Variants in SLK observed in about 807,000 individuals in gnomAD.
The protein encoded by SLK is STE20 like kinase, also known as STE20-like serine/threonine-protein kinase.
In SLK, 67 loss-of-function variants were observed where a neutral mutation model predicts 147.7. The observed-to-expected ratio is 0.45, with a 90% CI of 0.37 to 0.56. The LOEUF (loss-of-function observed/expected upper bound fraction) is 0.56. Among genes scored for constraint, SLK ranks in the 20% least tolerant of loss-of-function variants. The probability of loss-of-function intolerance (pLI) is 0.00; values close to 1 mark genes in which losing one functional copy is unlikely to be tolerated. For synonymous variants in SLK, 441 were observed against 475.0 expected, an observed-to-expected ratio of 0.93 and a Z score of 0.93; for missense variants, 1,136 against 1,438.8, an observed-to-expected ratio of 0.79 and a Z score of 3.41.
intron 13 of SLK, among the ~76,000 whole-genome samples, chr10:104,017,481 C>A (rs1844478419): frequency 6.6e-6 from 1 of 151,790 alleles, no homozygotes; most frequent in South Asian, 2.1e-4. Context: ...TCCTAGAGGG[C>A]CTTTCTTTTT....
chr10:103,986,783 AT>A (rs1224949819), intron 1 of SLK, among the ~76,000 whole-genome samples: 2 of 150,148 alleles, frequency 1.3e-5, no homozygotes, highest in Non-Finnish European at 2.9e-5. Flanking sequence ...GGTTCAAGCA[AT>A]TCTGCTGCCT....
Position 103,995,423 on chromosome 10 carries a change from CTTTTTTTTTTT to C in SLK, c.514+2302_514+2312del, listed in dbSNP as rs756975426. Among the ~76,000 whole-genome samples the C allele has an allele frequency of 8.9e-5, 6 of 67,704 alleles. No homozygotes were observed. The South Asian group carries it at 1.4e-3, about 15-fold the overall frequency. The allele number at this position is 67,704 out of a possible 152,430, so 44.4% of individuals were successfully genotyped here. A position where few individuals can be genotyped will look rare whatever the true frequency, so the allele number is the denominator to read the frequency against. The stretch of plus-strand genomic sequence containing the variant: ...ATTTCTTTTTTCTTTTCTTTCTTTT[CTTTTTTTTTTT>C]TTTTTTTTTTTGAGTCAAAGTCTTG... On this transcript the variant is annotated intron_variant, in intron 4 of 18. Coordinates refer to ENST00000369755, the MANE Select transcript of SLK (RefSeq NM_014720.4).
chr10:103,999,615 T>G (rs1212299505), intron 6 of SLK, among the ~76,000 whole-genome samples: 1 of 152,152 alleles, frequency 6.6e-6, no homozygotes. Flanking sequence ...TATTAGAAAT[T>G]TTGTGCTTTT....
chr10:104,002,885 G>T lies in SLK; in HGVS notation c.1707G>T (p.Thr569=), dbSNP rs56357599. The T allele has an allele frequency of 3.1e-3, 4,957 of 1,614,076 alleles. 13 individuals are homozygous for T. The highest frequency in any genetic ancestry group is 3.8e-3 in the Non-Finnish European group (4,538 of 1,179,986). The change falls in exon 9 of 19, where the codon ACG becomes ACT. Residue 569 remains threonine, a synonymous_variant. Coordinates refer to ENST00000369755, the MANE Select transcript of SLK (RefSeq NM_014720.4). The stretch of plus-strand genomic sequence containing the variant: ...TGGATGAAGACAGTGCTGAGGATAC[G>T]CAGAGTAATGATGGGAAAGAAGTGG... ...QKVDEDSAED[T]QSNDGKEVVE...
intron 1 of SLK, chr10:103,974,681 C>T (rs1391779661): frequency 2.2e-4 from 2 of 9,208 alleles, no homozygotes; most frequent in Non-Finnish European, 3.1e-4. Context: ...GATGGAGTCT[C>T]GCTCTGTCGC....
intron 11 of SLK, among the ~76,000 whole-genome samples, chr10:104,007,452 A>G (rs1844341635): frequency 6.6e-6 from 1 of 151,992 alleles, no homozygotes; most frequent in African/African-American, 2.4e-5. Flanking sequence ...CTAAAAATAC[A>G]GAAAAATTAG....
intron 4 of SLK, among the ~76,000 whole-genome samples, chr10:103,996,447 G>A (rs1267393716): frequency 1.4e-5 from 2 of 138,258 alleles, no homozygotes; most frequent in Admixed American, 7.7e-5. Context: ...CACCCAGGCC[G>A]GACTGCAGTG....
At chr10:103,991,480 G>GTTCT (rs1489080112) in intron 2 of SLK, among the ~76,000 whole-genome samples, 1 of 152,038 alleles carries the variant, frequency 6.6e-6, no homozygotes, top group Non-Finnish European at 1.5e-5. Flanking sequence ...TCTTCCTGAA[G>GTTCT]GAAGAAGCAA....
chr10:104,010,782 ATT>A, intron 12 of SLK, 32 bp from the exon 13 acceptor site: 1 of 1,322,552 alleles, frequency 7.6e-7, no homozygotes, highest in Non-Finnish European at 1.0e-6. Flanking sequence ...AGAAAGTATC[ATT>A]TCCCCACCTC....
chr10:104,018,069 C>A, intron 13 of SLK, 91 bp from the exon 14 acceptor site: 3 of 1,075,254 alleles, frequency 2.8e-6, no homozygotes, highest in African/African-American at 1.7e-5. Flanking sequence ...GTTTGGAAAT[C>A]TTGTTAACCA....
intron 2 of SLK, 61 bp from the exon 3 acceptor site, chr10:103,992,537 C>G (rs1246062956): frequency 2.1e-6 from 3 of 1,416,628 alleles, no homozygotes; most frequent in Non-Finnish European, 2.8e-6. Flanking sequence ...AGAAAAAATA[C>G]TGAAACTCAA....
chr10:104,016,955 A>G (rs1020822270), intron 13 of SLK, among the ~76,000 whole-genome samples: 7 of 152,242 alleles, frequency 4.6e-5, no homozygotes, highest in East Asian at 3.8e-4. Context: ...TGAATAGTCC[A>G]TGAGCCAATC....
In SLK at chr10:104,003,383, T is replaced by C; in HGVS notation, c.2205T>C (p.Ile735=). Residue 735 remains isoleucine (I), a synonymous_variant, in exon 9 of 19, where the codon ATT becomes ATC. Coordinates refer to ENST00000369755, the MANE Select transcript of SLK (RefSeq NM_014720.4). ...GTTCTTTATCAAAAACTGAAACTAT[T>C]CTGCCACCAGAATCTGAGAATCCAA... The part of the protein sequence containing the change: ...EIGSLSKTET[I]LPPESENPKE... 6.2e-7 allele frequency: 1 copy of C among 1,614,080 alleles called. No individual in the cohort carries two copies. The highest frequency in any genetic ancestry group is 1.7e-5 in the Admixed American group (1 of 60,016).
intron 1 of SLK, among the ~76,000 whole-genome samples, chr10:103,970,378 T>C (rs1843776873): frequency 2.0e-5 from 3 of 152,226 alleles, no homozygotes; most frequent in Non-Finnish European, 4.4e-5. Context: ...TTGAAAAATT[T>C]CTGAAGAACA....
In SLK at chr10:103,993,693, AG is replaced by A. The variant is rs1844129300; in HGVS notation, c.514+561del. ...AAATGTTACCTTCATAAGAAGAATTAGATGTAGGTCTTATGAAAGTTATAGC... is the reference window on the plus strand; with the variant it reads ...AAATGTTACCTTCATAAGAAGAATTAATGTAGGTCTTATGAAAGTTATAGC... On this transcript the variant is annotated intron_variant, in intron 4 of 18. Transcript: ENST00000369755. Among the ~76,000 whole-genome samples the A allele has an allele frequency of 2.0e-5, 3 of 152,196 alleles. No homozygotes were observed. In the South Asian group the frequency reaches 6.2e-4, roughly 31 times the overall value.
At chr10:103,975,300 T>C (rs566537506) in intron 1 of SLK, among the ~76,000 whole-genome samples, 1 of 152,180 alleles carries the variant, frequency 6.6e-6, no homozygotes, top group East Asian at 1.9e-4. Flanking sequence ...CAGCTCATGA[T>C]GTCAGTCACA....
intron 13 of SLK, among the ~76,000 whole-genome samples, chr10:104,012,557 CA>C (rs998628775): frequency 2.0e-5 from 3 of 152,142 alleles, no homozygotes; most frequent in Non-Finnish European, 4.4e-5. Context: ...TTATTACCCC[CA>C]GTTTACAGTT....
At chr10:103,991,805 A>G (rs1048976721) in intron 2 of SLK, among the ~76,000 whole-genome samples, 1 of 152,034 alleles carries the variant, frequency 6.6e-6, no homozygotes, top group African/African-American at 2.4e-5. Context: ...TATAGTTATT[A>G]TTAATGTGGT....
intron 4 of SLK, among the ~76,000 whole-genome samples, chr10:103,993,460 G>A (rs986472223): frequency 6.6e-6 from 1 of 152,002 alleles, no homozygotes; most frequent in African/African-American, 2.4e-5. Flanking sequence ...TTTATGTTTA[G>A]AATATAATAT....
Sources: allele counts gnomAD v4.1 joint callset (sites outside exome capture counted in the v4.1 genomes callset), GRCh38; gene constraint gnomAD v4.1.1; transcripts MANE v1.5; gene names NCBI Gene and HGNC (gene_info 2026-07-23, HGNC 2026-07-21).